Variants in CDKAL1 observed in about 807,000 individuals in gnomAD.
CDKAL1 encodes the protein CDKAL1 threonylcarbamoyladenosine tRNA methylthiotransferase.
A neutral mutation model predicts 68.2 loss-of-function variants in CDKAL1; 32 were observed. The ratio of observed to expected loss-of-function variants is 0.47; its 90% CI spans 0.35 to 0.63. CDKAL1 has a LOEUF of 0.63. Among genes scored for constraint, CDKAL1 ranks in the 30% least tolerant of loss-of-function variants. The pLI, the probability that CDKAL1 is intolerant of heterozygous loss-of-function variation, is 0.00. For missense variants in CDKAL1, 606 were observed against 696.7 expected (o/e 0.87, Z 1.47); for synonymous variants, 234 against 244.3 (o/e 0.96, Z 0.39).
intron 5 of CDKAL1, among the ~76,000 whole-genome samples, chr6:20,688,869 C>T (rs1770748186): frequency 6.6e-6 from 1 of 152,142 alleles, no homozygotes; most frequent in Admixed American, 6.6e-5. Flanking sequence ...AATAGGTCTT[C>T]AGTGATGTGG....
intron 12 of CDKAL1, among the ~76,000 whole-genome samples, chr6:21,076,067 C>T (rs1038344103): frequency 6.6e-6 from 1 of 152,118 alleles, no homozygotes; most frequent in Non-Finnish European, 1.5e-5. Context: ...TCATAGTTCA[C>T]TTACCTGCAG....
chr6:21,077,834 A>G (rs1022326191), intron 12 of CDKAL1, among the ~76,000 whole-genome samples: 20 of 152,236 alleles, frequency 1.3e-4, no homozygotes, highest in African/African-American at 4.3e-4. Flanking sequence ...TGCAGATGCA[A>G]TTAAGTTCAA....
chr6:20,828,235 T>C (rs954828555), intron 8 of CDKAL1, among the ~76,000 whole-genome samples: 3 of 152,080 alleles, frequency 2.0e-5, no homozygotes, highest in Admixed American at 2.0e-4. Context: ...TCATTATTAT[T>C]ATTATTATTT....
intron 4 of CDKAL1, among the ~76,000 whole-genome samples, chr6:20,632,283 A>T (rs1298163517): frequency 6.6e-6 from 1 of 152,198 alleles, no homozygotes; most frequent in African/African-American, 2.4e-5. Context: ...CGTGTGGCTG[A>T]CTGGGAGCAG....
intron 8 of CDKAL1, among the ~76,000 whole-genome samples, chr6:20,831,317 T>C (rs571266490): frequency 6.6e-6 from 1 of 152,272 alleles, no homozygotes; most frequent in African/African-American, 2.4e-5. Context: ...GAAGTGGCAG[T>C]TGGTTGGCAA....
At chr6:20,781,504 CAT>C (rs1390512846) in intron 8 of CDKAL1, among the ~76,000 whole-genome samples, 1 of 152,064 alleles carries the variant, frequency 6.6e-6, no homozygotes, top group East Asian at 1.9e-4. Flanking sequence ...ACATAATAAA[CAT>C]GGATTTCATT....
chr6:20,630,020 AT>A (rs1251857529), intron 4 of CDKAL1, among the ~76,000 whole-genome samples: 13 of 151,788 alleles, frequency 8.6e-5, no homozygotes, highest in African/African-American at 2.7e-4. Flanking sequence ...CACCTGGCTA[AT>A]TTTTGTATTT....
chr6:21,215,605 G>C (rs2328572), intron 15 of CDKAL1, among the ~76,000 whole-genome samples: 1 of 152,114 alleles, frequency 6.6e-6, no homozygotes, highest in Non-Finnish European at 1.5e-5. Flanking sequence ...GTGAGTTGTA[G>C]AGCTGGAAGG....
chr6:20,961,207 A>T (rs1278635619), intron 10 of CDKAL1, among the ~76,000 whole-genome samples: 1 of 152,148 alleles, frequency 6.6e-6, no homozygotes, highest in Non-Finnish European at 1.5e-5. Flanking sequence ...CATCCACAGT[A>T]GACTGGATAA....
At chr6:21,202,570 G>A (rs1194567633) in intron 15 of CDKAL1, among the ~76,000 whole-genome samples, 1 of 152,100 alleles carries the variant, frequency 6.6e-6, no homozygotes, top group African/African-American at 2.4e-5. Flanking sequence ...TCCACATAGT[G>A]TGTTTTACAA....
chr6:21,039,048 C>A (rs778632831), intron 11 of CDKAL1, among the ~76,000 whole-genome samples: 1 of 152,084 alleles, frequency 6.6e-6, no homozygotes, highest in Non-Finnish European at 1.5e-5. Flanking sequence ...AGTCAGGGGT[C>A]CCCAACCCCC....
chr6:21,048,513 T>C (rs1770368829), intron 11 of CDKAL1, among the ~76,000 whole-genome samples: 1 of 152,180 alleles, frequency 6.6e-6, no homozygotes. Flanking sequence ...TGTATATATA[T>C]ATTTTTTTCC....
At chr6:20,907,093 T>C (rs1762261734) in intron 9 of CDKAL1, among the ~76,000 whole-genome samples, 1 of 152,144 alleles carries the variant, frequency 6.6e-6, no homozygotes, top group Admixed American at 6.5e-5. Flanking sequence ...TGGGGAGTTA[T>C]TGTGTAATGG....
At chr6:21,061,578 A>G (rs1441003482) in intron 11 of CDKAL1, among the ~76,000 whole-genome samples, 1 of 152,246 alleles carries the variant, frequency 6.6e-6, no homozygotes, top group East Asian at 1.9e-4. Flanking sequence ...ATTCTGTTTT[A>G]TACCCCTTAT....
chr6:20,884,874 C>T (rs1327207706), intron 9 of CDKAL1, among the ~76,000 whole-genome samples: 1 of 151,990 alleles, frequency 6.6e-6, no homozygotes, highest in African/African-American at 2.4e-5. Context: ...TGCATGTAGT[C>T]CCAGCTACTC....
chr6:20,980,299 G>A (rs1206742619), intron 10 of CDKAL1, among the ~76,000 whole-genome samples: 10 of 151,720 alleles, frequency 6.6e-5, no homozygotes, highest in Admixed American at 1.3e-4. Context: ...GTGCAGTGGC[G>A]CGATCTCGGC....
chr6:20,747,220 A>G (rs951429640), intron 6 of CDKAL1, among the ~76,000 whole-genome samples: 29 of 152,144 alleles, frequency 1.9e-4, no homozygotes, highest in African/African-American at 6.8e-4. Flanking sequence ...ATATACCACA[A>G]TTATTTTATT....
chr6:21,003,349 T>TATATATATAC (rs1767536176), intron 11 of CDKAL1, among the ~76,000 whole-genome samples: 1 of 46,438 alleles, frequency 2.2e-5, no homozygotes, highest in African/African-American at 1.3e-4. Flanking sequence ...ACTAAATATA[T>TATATATATAC]ATATATATAT....
At position 21,231,104 on chromosome 6, in the gene CDKAL1, G is replaced by A; in HGVS notation, c.*65G>A. Reference sequence around the variant, plus strand: ...TCTAATTAAAATCTTCAATGAACAGGAAAGCGACATCTCCATTCTCCAAGG... The same window carrying A: ...TCTAATTAAAATCTTCAATGAACAGAAAAGCGACATCTCCATTCTCCAAGG... On this transcript the variant is annotated 3_prime_UTR_variant, in exon 16 of 16. Coordinates refer to ENST00000274695, the MANE Select transcript of CDKAL1 (RefSeq NM_017774.3). 5.5e-6 allele frequency: 7 copies of A among 1,282,390 alleles called. 1 individual carries two copies. Among genetic ancestry groups the A allele is most frequent in the Non-Finnish European group, 7.6e-6 (7 of 920,892 alleles). The allele number at this position is 1,282,390 out of a possible 1,614,324, so 79.4% of individuals were successfully genotyped here. A position where few individuals can be genotyped will look rare whatever the true frequency, so the allele number is the denominator to read the frequency against.
Sources: allele counts gnomAD v4.1 joint callset (sites outside exome capture counted in the v4.1 genomes callset), GRCh38; gene constraint gnomAD v4.1.1; transcripts MANE v1.5; gene names NCBI Gene and HGNC (gene_info 2026-07-23, HGNC 2026-07-21).